The following CBL variants were observed in gnomAD, a reference collection of about 807,000 sequenced individuals.
The protein encoded by CBL is E3 ubiquitin-protein ligase CBL.
CBL carries 45 observed loss-of-function variants against 96.9 expected under a neutral mutation model. The ratio of observed to expected loss-of-function variants is 0.46; its 90% CI spans 0.37 to 0.60. CBL has a LOEUF of 0.60. Ranked by LOEUF, CBL falls within the 20% of genes least tolerant of loss-of-function variation. CBL has a pLI of 0.00. For synonymous variants in CBL, 420 were observed against 426.8 expected, an observed-to-expected ratio of 0.98 and a Z score of 0.20; for missense variants, 1,024 against 1,143.5, an observed-to-expected ratio of 0.90 and a Z score of 1.51.
intron 1 of CBL, 116 bp from the exon 2 acceptor site, chr11:119,232,332 C>T: frequency 3.5e-6 from 4 of 1,139,416 alleles, no homozygotes; most frequent in East Asian, 2.4e-5. Flanking sequence ...CTTATATTCT[C>T]ATGTATTTTT....
At chr11:119,216,473 G>A (rs1949361481) in intron 1 of CBL, among the ~76,000 whole-genome samples, 1 of 151,990 alleles carries the variant, frequency 6.6e-6, no homozygotes. Flanking sequence ...CCGGGTTCAA[G>A]CGATTGTCCT....
intron 11 of CBL, among the ~76,000 whole-genome samples, chr11:119,286,065 G>A (rs1433075730): frequency 6.6e-6 from 1 of 152,128 alleles, no homozygotes; most frequent in African/African-American, 2.4e-5. Flanking sequence ...TTAGGAGGCC[G>A]AGGCGGGTGG....
intron 1 of CBL, among the ~76,000 whole-genome samples, chr11:119,228,767 A>G (rs1016983836): frequency 2.0e-5 from 3 of 150,126 alleles, no homozygotes; most frequent in African/African-American, 7.4e-5. Flanking sequence ...TGAGACTTAC[A>G]CCCACACCAC....
At chr11:119,229,871 G>A (rs929857928) in intron 1 of CBL, among the ~76,000 whole-genome samples, 6 of 151,952 alleles carry the variant, frequency 3.9e-5, no homozygotes, top group Non-Finnish European at 1.5e-5. Context: ...GGAATTACAG[G>A]CATGTGCCAC....
chr11:119,255,187 A>G (rs1044948388), intron 2 of CBL, among the ~76,000 whole-genome samples: 19 of 152,238 alleles, frequency 1.2e-4, no homozygotes, highest in African/African-American at 4.1e-4. Context: ...GGAGTTGCTG[A>G]CAACTAGTGC....
At chr11:119,279,884 A>T (rs774310658) in intron 9 of CBL, among the ~76,000 whole-genome samples, 1 of 152,226 alleles carries the variant, frequency 6.6e-6, no homozygotes, top group Non-Finnish European at 1.5e-5. Flanking sequence ...GCTATATGGG[A>T]TAAGAAGTCT....
At chr11:119,215,619 G>A (rs931928482) in intron 1 of CBL, among the ~76,000 whole-genome samples, 13 of 150,758 alleles carry the variant, frequency 8.6e-5, no homozygotes, top group African/African-American at 2.0e-4. Context: ...TGCAGTGAGC[G>A]GAGATCACGC....
intron 1 of CBL, among the ~76,000 whole-genome samples, chr11:119,216,350 T>TTATC: frequency 1.2e-5 from 1 of 86,056 alleles, no homozygotes; most frequent in East Asian, 5.1e-4. Flanking sequence ...ATTTATTTAT[T>TTATC]TATTTATTTA....
intron 6 of CBL, among the ~76,000 whole-genome samples, chr11:119,277,241 G>GCACACACACACACACACA (rs59099916): frequency 3.6e-3 from 528 of 146,456 alleles, no homozygotes; most frequent in African/African-American, 7.5e-3. Flanking sequence ...AATCTGTCGC[G>GCACACACACACACACACA]CACACACACA....
chr11:119,285,312 C>T lies in CBL; in HGVS notation c.1687C>T (p.Arg563Cys), dbSNP rs768837912. The T allele has an allele frequency of 1.1e-5, 18 of 1,614,052 alleles. No homozygotes were observed. The highest frequency in any genetic ancestry group is 1.6e-4 in the Middle Eastern group (1 of 6,084). Reference protein sequence around the residue: ...SVGAESRPQRRPLPCTPGDCP... With the variant: ...SVGAESRPQRCPLPCTPGDCP... Reference sequence around the variant, plus strand: ...TGGAGCAGAATCCCGACCTCAAAGACGCCCCTTGCCTTGTACACCAGGCGA... The same window carrying T: ...TGGAGCAGAATCCCGACCTCAAAGATGCCCCTTGCCTTGTACACCAGGCGA... Residue 563 changes from arginine to cysteine, a missense_variant, in exon 11 of 16, where the codon CGC becomes TGC. Transcript: ENST00000264033.
chr11:119,272,709 T>G (rs1592397772), intron 3 of CBL, among the ~76,000 whole-genome samples: 2 of 152,194 alleles, frequency 1.3e-5, no homozygotes, highest in South Asian at 2.1e-4. Flanking sequence ...AGATTGAGCT[T>G]CTTCTCACCT....
At chr11:119,228,833 G>A (rs1949479585) in intron 1 of CBL, among the ~76,000 whole-genome samples, 1 of 147,006 alleles carries the variant, frequency 6.8e-6, no homozygotes, top group Admixed American at 6.8e-5. Context: ...TTTTGGAGAC[G>A]TGGTTTCGCT....
At chr11:119,228,994 T>C (rs1949481091) in intron 1 of CBL, among the ~76,000 whole-genome samples, 1 of 152,032 alleles carries the variant, frequency 6.6e-6, no homozygotes, top group African/African-American at 2.4e-5. Flanking sequence ...TTGTATTTTT[T>C]AGTAGAGACA....
chr11:119,214,710 A>G (rs1471707685), intron 1 of CBL, among the ~76,000 whole-genome samples: 1 of 152,100 alleles, frequency 6.6e-6, no homozygotes, highest in African/African-American at 2.4e-5. Flanking sequence ...GTTATACTTA[A>G]TTTATGTTGT....
At chr11:119,288,003 C>A in intron 12 of CBL, 57 bp downstream of exon 12, 1 of 1,225,288 alleles carries the variant, frequency 8.2e-7, no homozygotes. Context: ...AAAAAGCTTA[C>A]TTGCAGAAAA....
At chr11:119,279,021 A>G (rs922092047) in intron 9 of CBL, among the ~76,000 whole-genome samples, 6 of 151,956 alleles carry the variant, frequency 3.9e-5, no homozygotes, top group African/African-American at 1.4e-4. Context: ...AGCTGCATCT[A>G]TGACCAGGCA....
At position 119,297,471 on chromosome 11, in the gene CBL, C is replaced by T; in HGVS notation, c.2241C>T (p.Ser747=). 6.2e-7 allele frequency: 1 copy of T among 1,609,970 alleles called. No homozygotes were observed. The highest frequency in any genetic ancestry group is 2.2e-5 in the East Asian group (1 of 44,864). Residue 747 remains serine, a synonymous_variant, in exon 14 of 16, where the codon AGC becomes AGT. Transcript: ENST00000264033. Reference sequence around the variant, plus strand: ...CCCAGGCGCCATCTATCACCGAGAGCAGCACCTTTGGTAAGTTGCCATTCT... The same window carrying T: ...CCCAGGCGCCATCTATCACCGAGAGTAGCACCTTTGGTAAGTTGCCATTCT... The part of the protein sequence containing the change: ...IQSQAPSITE[S]STFGEGNLAA...
intron 1 of CBL, among the ~76,000 whole-genome samples, chr11:119,227,839 C>T (rs1221444088): frequency 2.6e-5 from 4 of 152,012 alleles, no homozygotes; most frequent in East Asian, 1.9e-4. Flanking sequence ...CGTGAGCCAC[C>T]GCGCCCCGCA....
At chr11:119,206,759 G>C in intron 1 of CBL, 147 bp downstream of exon 1, 1 of 774,892 alleles carries the variant, frequency 1.3e-6, no homozygotes, top group Non-Finnish European at 2.0e-6. Context: ...GGCCGGGGGC[G>C]TGGGGGCAGG....
Sources: allele counts gnomAD v4.1 joint callset (sites outside exome capture counted in the v4.1 genomes callset), GRCh38; gene constraint gnomAD v4.1.1; transcripts MANE v1.5; gene names NCBI Gene and HGNC (gene_info 2026-07-23, HGNC 2026-07-21).